The following TRPM2 variants were observed in gnomAD, a reference collection of about 807,000 sequenced individuals.
TRPM2 encodes the protein estrogen-responsive element-associated gene 1 protein.
In TRPM2, 161 loss-of-function variants were observed where a neutral mutation model predicts 174.0. The observed-to-expected ratio is 0.93, with a 90% CI of 0.81 to 1.05. The LOEUF is 1.05. Among genes scored for constraint, TRPM2 ranks in the 50% least tolerant of loss-of-function variants. The pLI is 0.00. For missense variants in TRPM2, 2,057 were observed against 2,038.0 expected (o/e 1.01, Z -0.18); for synonymous variants, 954 against 861.3 (o/e 1.11, Z -1.88).
Position 44,377,709 on chromosome 21 carries a change from T to C in TRPM2, c.953-3T>C. The C allele has an allele frequency of 6.2e-7, 1 of 1,614,110 alleles. No homozygotes were observed. The highest frequency in any genetic ancestry group is 1.7e-4 in the Middle Eastern group (1 of 6,018). On this transcript the variant is annotated splice_region_variant and splice_polypyrimidine_tract_variant and intron_variant, in intron 6 of 31. Transcript: ENST00000397928. ...CCCTCACTCGGCTGTGTGCTTTTTC[T>C]AGGTGTGGCCATCAAGATCCCCATC...
Position 44,441,986 on chromosome 21 carries a change from T to G in TRPM2, c.*169T>G. The G allele has an allele frequency of 9.8e-7, 1 of 1,023,700 alleles. No individual in the cohort carries two copies. Among genetic ancestry groups the G allele is most frequent in the Non-Finnish European group, 1.3e-6 (1 of 759,286 alleles). 63.4% of individuals were successfully genotyped at this position (1,023,700 alleles called of 1,614,324 possible). On this transcript the variant is annotated 3_prime_UTR_variant, in exon 32 of 32. Transcript: ENST00000397928. ...TGCCGCAAGTCTGCTGCAGATGACC[T>G]CATGAACTGGAAGGGGTCAAGGTGA...
chr21:44,418,129 C>T, intron 21 of TRPM2, 21 bp downstream of exon 21: 1 of 1,599,718 alleles, frequency 6.3e-7, no homozygotes, highest in Non-Finnish European at 8.5e-7. Context: ...CCCAGTGCCT[C>T]TCCTGAATGT....
chr21:44,404,999 C>T (rs2049816400), intron 16 of TRPM2, 143 bp from the exon 17 acceptor site: 7 of 730,158 alleles, frequency 9.6e-6, no homozygotes, highest in East Asian at 2.6e-5. Flanking sequence ...ATGGTGACAG[C>T]AAGGGTAGTG....
chr21:44,399,322 G>C lies in TRPM2; in HGVS notation c.2089G>C (p.Asp697His), dbSNP rs1355919015. The C allele has an allele frequency of 1.2e-6, 2 of 1,612,678 alleles. No individual in the cohort carries two copies. Among genetic ancestry groups the C allele is most frequent in the Non-Finnish European group, 1.7e-6 (2 of 1,179,892 alleles). The change falls in exon 14 of 32, where the codon GAC (aspartate) becomes CAC (histidine). Residue 697 changes from aspartate to histidine, a missense_variant. By Grantham distance (81) the Asp-to-His change is moderately conservative (BLOSUM62 -1). Transcript: ENST00000397928. The surrounding 1 kb of genome is among the most constrained non-coding windows in gnomAD (Gnocchi z 4.6). ...GGTCTTCACCGAGTGCTACCGGAAGGACGAAGAGAGAGCCCAGAAACTGCT... is the reference window on the plus strand; with the variant it reads ...GGTCTTCACCGAGTGCTACCGGAAGCACGAAGAGAGAGCCCAGAAACTGCT... ...IGVFTECYRKDEERAQKLLTR... is the reference protein window; with the variant it reads ...IGVFTECYRKHEERAQKLLTR...
intron 23 of TRPM2, among the ~76,000 whole-genome samples, chr21:44,424,314 G>A (rs926741583): frequency 3.3e-5 from 5 of 152,232 alleles, no homozygotes; most frequent in African/African-American, 1.2e-4. Flanking sequence ...CCTGCCCGTT[G>A]CACCCAGGGG....
chr21:44,370,446 T>C (rs1457365477), intron 5 of TRPM2, among the ~76,000 whole-genome samples: 1 of 152,190 alleles, frequency 6.6e-6, no homozygotes, highest in African/African-American at 2.4e-5. Context: ...TTGGGACAGA[T>C]AATGAGTCAT....
chr21:44,437,951 GA>G (rs1032164377), intron 29 of TRPM2, among the ~76,000 whole-genome samples: 12 of 152,390 alleles, frequency 7.9e-5, no homozygotes, highest in Admixed American at 7.8e-4. Flanking sequence ...CTGATCCGGG[GA>G]GTCTGTGACT....
Position 44,366,753 on chromosome 21 carries a change from G to A in TRPM2, c.424-1G>A. 1 of 1,613,900 alleles carries A rather than the reference G, an allele frequency of 6.2e-7. No individual in the cohort carries two copies. Among genetic ancestry groups the A allele is most frequent in the Non-Finnish European group, 8.5e-7 (1 of 1,179,992 alleles). On this transcript the variant is annotated splice_acceptor_variant, in intron 3 of 31. Transcript: ENST00000397928. LOFTEE classifies it high-confidence loss of function. This position sits in a 1 kb window ranked among gnomAD's most constrained non-coding sequence, Gnocchi z 6.0. ...CCTCCGCCGTTTTCCCTTTCCCGCA[G>A]TACGTCCGAGTCTCCCAGGACACGC...
Position 44,406,785 on chromosome 21 carries a change from G to T in TRPM2, c.2962+20G>T. The T allele has an allele frequency of 6.3e-7, 1 of 1,586,566 alleles. No individual in the cohort carries two copies. Among genetic ancestry groups the T allele is most frequent in the Non-Finnish European group, 8.6e-7 (1 of 1,168,980 alleles). Reference sequence around the variant, plus strand: ...TCGACGGTAGGAGCCGGGCGCCATGGGAGCTCGGGTGGTGCTGCCGGGAAG... The same window carrying T: ...TCGACGGTAGGAGCCGGGCGCCATGTGAGCTCGGGTGGTGCTGCCGGGAAG... On this transcript the variant is annotated intron_variant, in intron 19 of 31. Coordinates refer to ENST00000397928, the MANE Select transcript of TRPM2 (RefSeq NM_003307.4).
chr21:44,403,724 G>A (rs2049725006), intron 16 of TRPM2, among the ~76,000 whole-genome samples: 1 of 145,062 alleles, frequency 6.9e-6, no homozygotes, highest in Non-Finnish European at 1.5e-5. Flanking sequence ...CATATGCATG[G>A]ACACACATAC....
In TRPM2 at chr21:44,400,295, G is replaced by A. The variant is rs774000175; in HGVS notation, c.2245G>A (p.Val749Met). The A allele has an allele frequency of 6.1e-5, 98 of 1,612,734 alleles. No individual in the cohort carries two copies. Among genetic ancestry groups the A allele is most frequent in the Non-Finnish European group, 7.8e-5 (92 of 1,179,888 alleles). ...CAAGGTGTGGTGGGGCCAGCTCTCC[G>A]TGGACAATGGGCTGTGGCGTGTGAC... The part of the protein sequence containing the change: ...LTKVWWGQLS[V>M]DNGLWRVTLC... The change falls in exon 15 of 32, where the codon GTG becomes ATG. Residue 749 changes from valine (V) to methionine (M), a missense_variant. By Grantham distance (21) the Val-to-Met change is conservative. Transcript: ENST00000397928.
chr21:44,360,527 A>G (rs2048180507), intron 2 of TRPM2, among the ~76,000 whole-genome samples: 1 of 151,954 alleles, frequency 6.6e-6, no homozygotes, highest in Non-Finnish European at 1.5e-5. Flanking sequence ...TACCCAAGCC[A>G]GGAATTAAAG....
Position 44,413,972 on chromosome 21 carries a change from A to G in TRPM2, c.3044A>G (p.Gln1015Arg). 6.2e-7 allele frequency: 1 copy of G among 1,613,878 alleles called. No individual in the cohort carries two copies. The highest frequency in any genetic ancestry group is 1.1e-5 in the South Asian group (1 of 91,070). The change falls in exon 20 of 32, where the codon CAG becomes CGG. Residue 1015 changes from glutamine to arginine, a missense_variant. Physicochemically the swap from Gln to Arg is conservative, Grantham distance 43. Coordinates refer to ENST00000397928, the MANE Select transcript of TRPM2 (RefSeq NM_003307.4). ...AAGTGCCCCGAGAGCGACGCGACGC[A>G]GCAGAGGCCGGCCTTCCCTGAGTGG... ...KPKCPESDAT[Q>R]QRPAFPEWLT...
chr21:44,437,034 T>A (rs916818465), intron 28 of TRPM2, 28 bp from the exon 29 acceptor site: 2 of 1,545,230 alleles, frequency 1.3e-6, no homozygotes, highest in African/African-American at 2.7e-5. Flanking sequence ...CAGCGGGTCC[T>A]GGGCAGCCAT....
Position 44,354,627 on chromosome 21 carries a change from G to T in TRPM2, c.166-21G>T. Reference sequence around the variant, plus strand: ...CTCTTTCGAATGTTGGAAGATCTCAGTGTGCTGTCTTTACCTTCAGCAAGA... The same window carrying T: ...CTCTTTCGAATGTTGGAAGATCTCATTGTGCTGTCTTTACCTTCAGCAAGA... On this transcript the variant is annotated intron_variant, in intron 1 of 31. Transcript: ENST00000397928. The surrounding 1 kb of genome is among the most constrained non-coding windows in gnomAD (Gnocchi z 4.3). 6.2e-7 allele frequency: 1 copy of T among 1,606,120 alleles called. No homozygotes were observed. The highest frequency in any genetic ancestry group is 1.7e-5 in the Admixed American group (1 of 60,008).
chr21:44,373,670 C>T (rs2048611591), intron 5 of TRPM2, among the ~76,000 whole-genome samples: 1 of 152,132 alleles, frequency 6.6e-6, no homozygotes, highest in Admixed American at 6.5e-5. Flanking sequence ...ATCATCAAGT[C>T]CTGGTTCCAT....
At chr21:44,422,302 G>A (rs1298223853) in intron 22 of TRPM2, 1 of 1,536,034 alleles carries the variant, frequency 6.5e-7, no homozygotes, top group Non-Finnish European at 8.7e-7. Flanking sequence ...TCAAGGACAA[G>A]CTCTGTCTGC....
Position 44,418,409 on chromosome 21 carries a change from G to A in TRPM2, c.3329-14G>A, listed in dbSNP as rs199689361. On this transcript the variant is annotated splice_polypyrimidine_tract_variant and intron_variant, in intron 21 of 31. Coordinates refer to ENST00000397928, the MANE Select transcript of TRPM2 (RefSeq NM_003307.4). Reference sequence around the variant, plus strand: ...GGATTCCAGGTCCCCTGGTCTGTCCGCCCACCCTGACAGAGAACAAGCTGG... The same window carrying A: ...GGATTCCAGGTCCCCTGGTCTGTCCACCCACCCTGACAGAGAACAAGCTGG... 181 of 1,613,302 alleles carry A rather than the reference G, an allele frequency of 1.1e-4. 1 individual carries two copies. In the East Asian group the frequency reaches 2.8e-3, roughly 25 times the overall value.
Position 44,420,846 on chromosome 21 carries a change from C to T in TRPM2, c.3461+2291C>T, listed in dbSNP as rs1016833920. ...ACCACACCCTTCACCTGCATCATCT[C>T]GCTCAACCCTTTTGCAGAGGGAGGT... On this transcript the variant is annotated intron_variant, in intron 22 of 31. Transcript: ENST00000397928. Among the ~76,000 whole-genome samples, 3 of 152,186 alleles carry T rather than the reference C, an allele frequency of 2.0e-5. No homozygotes were observed. In the East Asian group the frequency reaches 5.8e-4, roughly 29 times the overall value.
Sources: gnomAD v4.1 joint callset for allele counts (sites outside exome capture counted in the v4.1 genomes callset) on GRCh38, gnomAD v4.1.1 for gene constraint, Gnocchi (gnomAD v3.1) non-coding constraint, MANE v1.5 for transcripts, NCBI Gene and HGNC (gene_info 2026-07-23, HGNC 2026-07-21) for gene names.